Variants in PAK3 observed in about 807,000 individuals in gnomAD.
The protein encoded by PAK3 is p21 (RAC1) activated kinase 3, also known as serine/threonine-protein kinase PAK 3.
In PAK3, 4 loss-of-function variants were observed where a neutral mutation model predicts 41.0. The observed-to-expected ratio is 0.10, with a 90% CI of 0.05 to 0.22. PAK3 has a LOEUF of 0.22. Among genes scored for constraint, PAK3 ranks in the 10% least tolerant of loss-of-function variants. The pLI is 1.00. For synonymous variants in PAK3, 146 were observed against 139.6 expected (o/e 1.05, Z -0.32); for missense variants, 205 against 409.9 (o/e 0.50, Z 4.32).
At chrX:111,087,765 AC>A (rs1208438028) in intron 1 of PAK3, among the ~76,000 whole-genome samples, 1,555 of 10,038 alleles carry the variant, frequency 0.15, 46 homozygotes, top group African/African-American at 0.2. Flanking sequence ...AAAAAAAAAA[AC>A]AAAAAAAAAA....
At chrX:111,095,711 C>A (rs1358086975), upstream of PAK3, among the ~76,000 whole-genome samples, 1 of 111,923 alleles carries the variant, frequency 8.9e-6, no homozygotes, top group Non-Finnish European at 1.9e-5. Context: ...TCTTAGTTTT[C>A]TGTGTATTTT....
chrX:111,004,070 T>C (rs1448496332), intron 1 of PAK3, among the ~76,000 whole-genome samples: 1 of 112,502 alleles, frequency 8.9e-6, no homozygotes, highest in Non-Finnish European at 1.9e-5. Context: ...GTGTCTGGCA[T>C]ATAGCAAGTG....
In PAK3 at chrX:111,152,610, A is replaced by G. The variant is rs758220212; in HGVS notation, c.468+163A>G. On this transcript the variant is annotated intron_variant, in intron 8 of 17. Coordinates refer to ENST00000372007, the MANE Select transcript of PAK3 (RefSeq NM_002578.5). ...CACCTATTTTCAGGTAAACAGTTCA[A>G]TGAGTTTTGGTAAATGTATATACCT... 1.2e-4 allele frequency: 51 copies of G among 422,054 alleles called. No individual in the cohort carries two copies. In the East Asian group the frequency reaches 1.2e-3, roughly 10 times the overall value. The allele number at this position is 422,054 out of a possible 1,213,427, so 34.8% of individuals were successfully genotyped here.
At chrX:111,145,062 T>C (rs185634471) in intron 6 of PAK3, 4 of 360,830 alleles carry the variant, frequency 1.1e-5, no homozygotes, top group Non-Finnish European at 1.5e-5. Context: ...CAGTCAGACA[T>C]TGATATGTGC....
chrX:111,171,075 T>G (rs901814641), intron 10 of PAK3, among the ~76,000 whole-genome samples: 1 of 110,838 alleles, frequency 9.0e-6, no homozygotes, highest in African/African-American at 3.3e-5. Context: ...AAAGGCATGG[T>G]GTAAGAGGAA....
chrX:111,204,226 G>C (rs1261091119), intron 16 of PAK3, among the ~76,000 whole-genome samples: 1 of 111,290 alleles, frequency 9.0e-6, no homozygotes, highest in Non-Finnish European at 1.9e-5. Flanking sequence ...GCTCAAACTG[G>C]TGAATTATGA....
intron 12 of PAK3, 22 bp from the exon 13 acceptor site, chrX:111,192,484 T>C (rs1188718630): frequency 2.5e-6 from 2 of 804,215 alleles, no homozygotes; most frequent in African/African-American, 4.0e-5. Context: ...TAATTCATTC[T>C]TGTATTTTAA....
chrX:110,999,675 T>TAAA (rs777940539), intron 1 of PAK3, among the ~76,000 whole-genome samples: 8 of 68,163 alleles, frequency 1.2e-4, no homozygotes, highest in East Asian at 4.7e-4. Flanking sequence ...TTTATAAAAG[T>TAAA]AAAAAAAAAA....
chrX:111,035,131 AAAAGAAAG>A (rs1556453358), intron 1 of PAK3, among the ~76,000 whole-genome samples: 18 of 54,260 alleles, frequency 3.3e-4, no homozygotes, highest in African/African-American at 1.1e-3. Context: ...AAAAAAAAAA[AAAAGAAAG>A]AAAGAAAGAA....
intron 17 of PAK3, 132 bp downstream of exon 17, chrX:111,216,690 A>G (rs2094882797): frequency 3.4e-6 from 2 of 587,427 alleles, no homozygotes; most frequent in African/African-American, 2.2e-5. Context: ...CCACAGGCAC[A>G]TAACTATAGG....
chrX:111,172,405 T>C (rs1011537191), intron 10 of PAK3, among the ~76,000 whole-genome samples: 3 of 111,618 alleles, frequency 2.7e-5, no homozygotes, highest in African/African-American at 9.8e-5. Context: ...GTTACATGGG[T>C]AAATTGTGTG....
intron 4 of PAK3, among the ~76,000 whole-genome samples, chrX:111,104,597 T>C (rs1343702491): frequency 2.7e-5 from 3 of 111,669 alleles, no homozygotes; most frequent in Non-Finnish European, 3.8e-5. Context: ...AGAAGGTAAC[T>C]AGGACTGACT....
chrX:110,982,479 G>A (rs912783379), intron 1 of PAK3, among the ~76,000 whole-genome samples: 8 of 112,081 alleles, frequency 7.1e-5, no homozygotes, highest in African/African-American at 1.3e-4. Context: ...TTAGCTCATC[G>A]CCTGGAACAT....
chrX:111,076,046 T>C (rs1271816455), intron 1 of PAK3, among the ~76,000 whole-genome samples: 1 of 112,557 alleles, frequency 8.9e-6, no homozygotes, highest in African/African-American at 3.2e-5. Flanking sequence ...TATACCGCCA[T>C]TGTACCTTGG....
intron 11 of PAK3, among the ~76,000 whole-genome samples, chrX:111,186,443 G>T (rs6567949): frequency 0.13 from 14,075 of 111,269 alleles, 1,784 homozygotes; most frequent in African/African-American, 0.39. Context: ...CTTCAGCAAA[G>T]TCTCAGGATA....
At chrX:111,114,866 C>T (rs1313611189) in intron 4 of PAK3, among the ~76,000 whole-genome samples, 6 of 112,328 alleles carry the variant, frequency 5.3e-5, no homozygotes, top group South Asian at 7.4e-4. Flanking sequence ...CTGCAGTCTC[C>T]GCAGGAATGA....
At chrX:111,071,208 A>G (rs1334113592) in intron 1 of PAK3, among the ~76,000 whole-genome samples, 2 of 111,986 alleles carry the variant, frequency 1.8e-5, no homozygotes, top group African/African-American at 6.5e-5. Context: ...GCTGGATGCT[A>G]AAACTGTTTT....
At chrX:111,121,606 T>G (rs1452824944) in intron 4 of PAK3, among the ~76,000 whole-genome samples, 1 of 112,222 alleles carries the variant, frequency 8.9e-6, no homozygotes, top group Admixed American at 9.4e-5. Context: ...TTGTTTTTAT[T>G]GTTCTTAGGT....
intron 1 of PAK3, among the ~76,000 whole-genome samples, chrX:111,056,491 A>C (rs2092606265): frequency 9.0e-6 from 1 of 111,719 alleles, no homozygotes; most frequent in Admixed American, 9.5e-5. Context: ...TGTTCCTTGA[A>C]CCCATTTCTG....
Sources: allele counts gnomAD v4.1 joint callset (sites outside exome capture counted in the v4.1 genomes callset), GRCh38; gene constraint gnomAD v4.1.1; transcripts MANE v1.5; gene names NCBI Gene and HGNC (gene_info 2026-07-23, HGNC 2026-07-21).